CACNA1H: variants seen among roughly 807,000 people sequenced by gnomAD.
CACNA1H encodes the protein calcium voltage-gated channel subunit alpha1 H.
CACNA1H carries 149 observed loss-of-function variants against 192.5 expected under a neutral mutation model. That is an observed-to-expected ratio of 0.77 (90% CI 0.68 to 0.89). The LOEUF (loss-of-function observed/expected upper bound fraction) is 0.89, where lower values mean the gene tolerates loss of function less well. CACNA1H is among the 40% of genes least tolerant of loss of function. The probability of loss-of-function intolerance (pLI) is 0.00; values close to 1 mark genes in which losing one functional copy is unlikely to be tolerated. For synonymous variants in CACNA1H, 2,202 were observed against 1,475.2 expected (o/e 1.49, Z -11.29); for missense variants, 4,257 against 3,423.5 (o/e 1.24, Z -6.08).
intron 2 of CACNA1H, 149 bp downstream of exon 2, chr16:1,154,185 C>A: frequency 2.0e-6 from 1 of 495,274 alleles, no homozygotes; most frequent in Non-Finnish European, 3.1e-6. Flanking sequence ...AGGGCAGGGG[C>A]TGGAGGACCG....
chr16:1,159,036 G>A (rs1962833898), intron 2 of CACNA1H, among the ~76,000 whole-genome samples: 1 of 152,260 alleles, frequency 6.6e-6, no homozygotes, highest in Non-Finnish European at 1.5e-5. Flanking sequence ...CAGGGCCCCT[G>A]TTCGCCTGCC....
At position 1,195,574 on chromosome 16, in the gene CACNA1H, C is replaced by T. The variant is rs779651648; in HGVS notation, c.545+9C>T. On this transcript the variant is annotated intron_variant, in intron 4 of 34. Transcript: ENST00000348261. The stretch of plus-strand genomic sequence containing the variant: ...TTCATCGTCGTGGCGGGGTAGGCCC[C>T]GCCTGGGAGAGGCCACAGCGCTGGC... 1.1e-5 allele frequency: 18 copies of T among 1,583,792 alleles called. No individual in the cohort carries two copies. Among genetic ancestry groups the T allele is most frequent in the Admixed American group, 5.4e-5 (3 of 55,620 alleles).
chr16:1,177,664 T>C (rs1160013098), intron 2 of CACNA1H, among the ~76,000 whole-genome samples: 1 of 151,840 alleles, frequency 6.6e-6, no homozygotes, highest in Non-Finnish European at 1.5e-5. Flanking sequence ...GGGAGTGTGT[T>C]TCTCGGTTCT....
chr16:1,206,092 A>G lies in CACNA1H; in HGVS notation c.2604-12A>G. On this transcript the variant is annotated splice_polypyrimidine_tract_variant and intron_variant, in intron 11 of 34. Coordinates refer to ENST00000348261, the MANE Select transcript of CACNA1H (RefSeq NM_021098.3). The stretch of plus-strand genomic sequence containing the variant: ...CGTGGCCCCGCTGACCCTCGCCCCC[A>G]CCTGTCCGCAGCGTCTGGGAGATCG... The G allele has an allele frequency of 7.1e-6, 11 of 1,559,114 alleles. No homozygotes were observed. The highest frequency in any genetic ancestry group is 9.5e-6 in the Non-Finnish European group (11 of 1,155,306).
intron 23 of CACNA1H, 40 bp downstream of exon 23, chr16:1,211,646 A>G (rs1969463134): frequency 6.2e-7 from 1 of 1,609,776 alleles, no homozygotes; most frequent in Non-Finnish European, 8.5e-7. Context: ...GGTCTCCAGG[A>G]CACCCTGGAG....
At chr16:1,203,634 G>T (rs1968274238) in intron 9 of CACNA1H, among the ~76,000 whole-genome samples, 2 of 152,166 alleles carry the variant, frequency 1.3e-5, no homozygotes, top group African/African-American at 4.8e-5. Flanking sequence ...GCCTTGCAGG[G>T]TTGCTTCCTC....
At chr16:1,196,342 G>A (rs894185892) in intron 5 of CACNA1H, among the ~76,000 whole-genome samples, 15 of 152,260 alleles carry the variant, frequency 9.9e-5, no homozygotes, top group Admixed American at 5.9e-4. Flanking sequence ...GCTGGAGGCC[G>A]AGCAGATCCC....
chr16:1,183,392 G>A (rs1331475455), intron 2 of CACNA1H, among the ~76,000 whole-genome samples: 2 of 152,184 alleles, frequency 1.3e-5, no homozygotes, highest in South Asian at 2.1e-4. Flanking sequence ...GCGTGGAGCC[G>A]GGAATCCCTC....
At position 1,217,021 on chromosome 16, in the gene CACNA1H, C is replaced by T. The variant is rs770331645; in HGVS notation, c.5323+11C>T. On this transcript the variant is annotated intron_variant, in intron 31 of 34. Coordinates refer to ENST00000348261, the MANE Select transcript of CACNA1H (RefSeq NM_021098.3). Reference sequence around the variant, plus strand: ...TGTTCGGGAGGCTGGGTGAGTGGCTCCTGCGCCCTCCTCCTGGCACACATG... The same window carrying T: ...TGTTCGGGAGGCTGGGTGAGTGGCTTCTGCGCCCTCCTCCTGGCACACATG... The T allele has an allele frequency of 2.5e-6, 4 of 1,576,994 alleles. No homozygotes were observed. The highest frequency in any genetic ancestry group is 2.3e-5 in the East Asian group (1 of 43,198).
At chr16:1,176,602 CCCAA>C (rs894004494) in intron 2 of CACNA1H, among the ~76,000 whole-genome samples, 9 of 152,202 alleles carry the variant, frequency 5.9e-5, no homozygotes. Flanking sequence ...CAGGTGACCC[CCCAA>C]CCAAGGGGTT....
intron 5 of CACNA1H, among the ~76,000 whole-genome samples, chr16:1,196,800 C>A (rs1359221010): frequency 6.6e-6 from 1 of 152,100 alleles, no homozygotes; most frequent in Non-Finnish European, 1.5e-5. Flanking sequence ...TCCGGGCCAC[C>A]CACCTGCATC....
intron 2 of CACNA1H, among the ~76,000 whole-genome samples, 183 bp downstream of exon 2, chr16:1,154,219 G>A (rs1186953125): frequency 6.6e-6 from 1 of 151,566 alleles, no homozygotes; most frequent in Non-Finnish European, 1.5e-5. Flanking sequence ...GAGAGTGGCG[G>A]GCTTGGGGGG....
chr16:1,220,013 G>T lies in CACNA1H; in HGVS notation c.6081G>T (p.Lys2027Asn), dbSNP rs1970356558. 1 of 1,357,726 alleles carries T rather than the reference G, an allele frequency of 7.4e-7. No homozygotes were observed. Among genetic ancestry groups the T allele is most frequent in the East Asian group, 2.9e-5 (1 of 34,418 alleles). 84.1% of individuals were successfully genotyped at this position (1,357,726 alleles called of 1,614,324 possible). Residue 2027 changes from lysine (K) to asparagine (N), a missense_variant, in exon 35 of 35, where the codon AAG (lysine) becomes AAT (asparagine). By Grantham distance (94) the Lys-to-Asn change is moderately conservative (BLOSUM62 0). Coordinates refer to ENST00000348261, the MANE Select transcript of CACNA1H (RefSeq NM_021098.3). ...EAVHTDSLEG[K>N]IDSPRDTLDP... ...TGCACACCGATTCCTTGGAAGGGAAGATTGACAGCCCTAGGGACACCCTGG... is the reference window on the plus strand; with the variant it reads ...TGCACACCGATTCCTTGGAAGGGAATATTGACAGCCCTAGGGACACCCTGG...
intron 2 of CACNA1H, among the ~76,000 whole-genome samples, chr16:1,177,200 C>T (rs1398502021): frequency 6.6e-6 from 1 of 152,186 alleles, no homozygotes; most frequent in African/African-American, 2.4e-5. Context: ...TTCTAAGTGA[C>T]ACAGGCTGGA....
At position 1,210,798 on chromosome 16, in the gene CACNA1H, G is replaced by T; in HGVS notation, c.4050G>T (p.Leu1350=). 1 of 1,601,250 alleles carries T rather than the reference G, an allele frequency of 6.2e-7. No individual in the cohort carries two copies. ...TTGGCCCTCCGCAGGTGGTGGCCCT[G>T]GGGCTGCTGTCCGGCGAGCACGCCT... is the stretch of plus-strand genomic sequence containing the variant. ...VAEMMVKVVA[L]GLLSGEHAYL... Residue 1350 remains leucine (L), a synonymous_variant, in exon 21 of 35, where the codon CTG becomes CTT. Coordinates refer to ENST00000348261, the MANE Select transcript of CACNA1H (RefSeq NM_021098.3).
intron 2 of CACNA1H, among the ~76,000 whole-genome samples, chr16:1,154,763 C>T (rs7190640): frequency 6.6e-6 from 1 of 152,196 alleles, no homozygotes; most frequent in African/African-American, 2.4e-5. Context: ...GCCAGAGCGG[C>T]ACAGACTGCA....
chr16:1,180,071 G>A lies in CACNA1H; in HGVS notation c.300-14901G>A, dbSNP rs566389320. ...TTTAATATACATCTGGTTGCCGGGT[G>A]ATACTGAGGGGGCCGGGCTCTGCAG... On this transcript the variant is annotated intron_variant, in intron 2 of 34. Transcript: ENST00000348261. This position sits in a 1 kb window ranked among gnomAD's most constrained non-coding sequence, Gnocchi z 4.4. Among the ~76,000 whole-genome samples, 9 of 152,318 alleles carry A rather than the reference G, an allele frequency of 5.9e-5. No homozygotes were observed. In the East Asian group the frequency reaches 1.7e-3, roughly 29 times the overall value.
Position 1,183,326 on chromosome 16 carries a change from TA to T in CACNA1H, c.300-11642del, listed in dbSNP as rs376028440. On this transcript the variant is annotated intron_variant, in intron 2 of 34. Transcript: ENST00000348261. ...CTTAGGACCTCACCCCTTCCTGAGT[TA>T]AAACCCTGCGGTGGCTTCTCCCGAG... 1.3e-3 allele frequency among the ~76,000 whole-genome samples: 203 copies of T among 152,250 alleles called. 2 individuals are homozygous for T. Among genetic ancestry groups the T allele is most frequent in the African/African-American group, 4.6e-3 (191 of 41,560 alleles).
At chr16:1,182,535 C>T (rs1469629741) in intron 2 of CACNA1H, among the ~76,000 whole-genome samples, 1 of 152,110 alleles carries the variant, frequency 6.6e-6, no homozygotes, top group Non-Finnish European at 1.5e-5. Context: ...TGGCTGCTGC[C>T]CGGGCTCCCC....
Sources: gnomAD v4.1 joint callset for allele counts (sites outside exome capture counted in the v4.1 genomes callset) on GRCh38, gnomAD v4.1.1 for gene constraint, Gnocchi (gnomAD v3.1) non-coding constraint, MANE v1.5 for transcripts, NCBI Gene and HGNC (gene_info 2026-07-23, HGNC 2026-07-21) for gene names.